The following PCTP variants were observed in gnomAD, a reference collection of about 807,000 sequenced individuals.
PCTP encodes START domain-containing protein 2.
In PCTP, 27 loss-of-function variants were observed where a neutral mutation model predicts 31.0. That is an observed-to-expected ratio of 0.87 (90% CI 0.64 to 1.20). The LOEUF (loss-of-function observed/expected upper bound fraction) is 1.20, where lower values mean the gene tolerates loss of function less well. PCTP is among the 50% of genes most tolerant of loss of function. The probability of loss-of-function intolerance (pLI) is 0.00; values close to 1 mark genes in which losing one functional copy is unlikely to be tolerated. For synonymous variants in PCTP, 108 were observed against 101.2 expected (o/e 1.07, Z -0.40); for missense variants, 287 against 268.2 (o/e 1.07, Z -0.49).
intron 3 of PCTP, among the ~76,000 whole-genome samples, chr17:55,772,822 C>T (rs1053601326): frequency 6.6e-6 from 1 of 152,128 alleles, no homozygotes; most frequent in African/African-American, 2.4e-5. Flanking sequence ...ATTCATGTTT[C>T]ATCACTTCAG....
At chr17:55,784,623 C>T (rs1269160124) in intron 2 of PCTP, among the ~76,000 whole-genome samples, 4 of 152,128 alleles carry the variant, frequency 2.6e-5, no homozygotes. Context: ...ATACAGGGAG[C>T]AGCTGACATG....
chr17:55,774,938 C>A, intron 5 of PCTP, 79 bp downstream of exon 5: 2 of 1,424,516 alleles, frequency 1.4e-6, no homozygotes, highest in Admixed American at 1.7e-5. Flanking sequence ...GCGGGGCTGT[C>A]AGGCTGAAGA....
rs561571403 is a variant in PCTP at position 55,772,921 on chromosome 17, C to A, written c.340-803C>A. Among the ~76,000 whole-genome samples the A allele has an allele frequency of 2.8e-4, 42 of 152,292 alleles. No individual in the cohort carries two copies. In the East Asian group the frequency reaches 7.9e-3, roughly 29 times the overall value. On this transcript the variant is annotated intron_variant, in intron 3 of 5. Transcript: ENST00000268896. ...TATGGGGATACTCATACCAAACTCA[C>A]AGGGTCTTTGTAAGGATCCAAATTT...
At chr17:55,774,385 G>C (rs1330086703) in intron 4 of PCTP, among the ~76,000 whole-genome samples, 1 of 152,206 alleles carries the variant, frequency 6.6e-6, no homozygotes, top group Non-Finnish European at 1.5e-5. Context: ...ACCAGAATGA[G>C]TGTGGCCTTG....
At chr17:55,824,414 ATT>A (rs1250750652), downstream of PCTP, among the ~76,000 whole-genome samples, 20 of 152,206 alleles carry the variant, frequency 1.3e-4, no homozygotes, top group Non-Finnish European at 4.4e-5. Flanking sequence ...CTTTAGAGTT[ATT>A]CCTTGTTCCA....
chr17:55,832,099 C>A (rs546212307), intron 5 of PCTP, among the ~76,000 whole-genome samples: 92 of 151,952 alleles, frequency 6.1e-4, no homozygotes, highest in African/African-American at 2.1e-3. Context: ...ACAACAACAA[C>A]AACAAAAAAC....
intron 3 of PCTP, among the ~76,000 whole-genome samples, chr17:55,810,316 C>A (rs117371384): frequency 2.6e-5 from 4 of 152,152 alleles, no homozygotes; most frequent in Non-Finnish European, 4.4e-5. Context: ...GGTGCCTGGC[C>A]GAGCAAAGTC....
At chr17:55,834,871 C>T (rs1391102299) in intron 5 of PCTP, among the ~76,000 whole-genome samples, 3 of 152,084 alleles carry the variant, frequency 2.0e-5, no homozygotes, top group African/African-American at 7.2e-5. Flanking sequence ...TTGTGTTCCT[C>T]AAAAAGATAT....
chr17:55,802,806 C>G (rs961460772), intron 3 of PCTP, among the ~76,000 whole-genome samples: 1 of 152,236 alleles, frequency 6.6e-6, no homozygotes, highest in South Asian at 2.1e-4. Flanking sequence ...AAAACTGGCA[C>G]AAGACAAGGA....
At chr17:55,836,290 C>T (rs912816281) in intron 5 of PCTP, among the ~76,000 whole-genome samples, 2 of 152,034 alleles carry the variant, frequency 1.3e-5, no homozygotes, top group Non-Finnish European at 2.9e-5. Flanking sequence ...GCTTTTAGCC[C>T]AAAAAAGTTT....
chr17:55,764,821 A>C (rs905280774), intron 1 of PCTP, among the ~76,000 whole-genome samples: 1 of 152,228 alleles, frequency 6.6e-6, no homozygotes, highest in Non-Finnish European at 1.5e-5. Flanking sequence ...GCCTTAGCAC[A>C]TGGATGCAAG....
Position 55,776,072 on chromosome 17 carries a change from C to T in PCTP, c.617C>T (p.Ala206Val). 1 of 1,614,002 alleles carries T rather than the reference C, an allele frequency of 6.2e-7. No individual in the cohort carries two copies. Among genetic ancestry groups the T allele is most frequent in the Non-Finnish European group, 8.5e-7 (1 of 1,179,952 alleles). Residue 206 changes from alanine to valine, a missense_variant, in exon 6 of 6, where the codon GCC becomes GTC. Transcript: ENST00000268896. ...VPNFLKDMAR[A>V]CQNYLKKT ...AACTTCTTGAAAGACATGGCAAGAG[C>T]CTGTCAGAACTACCTCAAGAAAACC...
intron 3 of PCTP, among the ~76,000 whole-genome samples, chr17:55,800,475 T>G (rs1329022242): frequency 1.3e-5 from 2 of 152,022 alleles, no homozygotes; most frequent in Non-Finnish European, 2.9e-5. Context: ...GCAATTCCTC[T>G]AATCTTTTTT....
chr17:55,762,067 G>A (rs533997770), intron 1 of PCTP, among the ~76,000 whole-genome samples: 2 of 152,284 alleles, frequency 1.3e-5, no homozygotes, highest in Admixed American at 1.3e-4. Context: ...ATAAAGAGGA[G>A]CAAAGAACGT....
chr17:55,769,704 C>G (rs1173392990), intron 2 of PCTP: 1 of 152,218 alleles, frequency 6.6e-6, no homozygotes, highest in Non-Finnish European at 1.5e-5. Context: ...TTGCTCTCAA[C>G]TTGCTAGAGT....
intron 1 of PCTP, among the ~76,000 whole-genome samples, chr17:55,755,769 T>A (rs1486249233): frequency 6.6e-6 from 1 of 152,238 alleles, no homozygotes; most frequent in Non-Finnish European, 1.5e-5. Flanking sequence ...ATAACTTTAT[T>A]TGATGCTGCA....
downstream of PCTP, among the ~76,000 whole-genome samples, chr17:55,844,335 A>G (rs531400045): frequency 5.9e-5 from 9 of 152,182 alleles, no homozygotes; most frequent in Non-Finnish European, 1.0e-4. Flanking sequence ...CCATTTGCCC[A>G]GGCTCTGGGT....
chr17:55,756,693 CGTGT>C (rs924101311), intron 1 of PCTP, among the ~76,000 whole-genome samples: 4 of 147,088 alleles, frequency 2.7e-5, no homozygotes, highest in Non-Finnish European at 4.5e-5. Context: ...GTTTTATACA[CGTGT>C]GTGTGTGTGT....
intron 5 of PCTP, among the ~76,000 whole-genome samples, chr17:55,834,424 C>T (rs1039228282): frequency 6.6e-6 from 1 of 152,132 alleles, no homozygotes; most frequent in Admixed American, 6.5e-5. Flanking sequence ...TTCTCTGCCT[C>T]TCAGTCCATG....
Sources: gnomAD v4.1 joint callset for allele counts (sites outside exome capture counted in the v4.1 genomes callset) on GRCh38, gnomAD v4.1.1 for gene constraint, MANE v1.5 for transcripts, NCBI Gene and HGNC (gene_info 2026-07-23, HGNC 2026-07-21) for gene names.